The following ADGRE3 variants were observed in gnomAD, a reference collection of about 807,000 sequenced individuals.
ADGRE3 encodes adhesion G protein-coupled receptor E3, also known as EGF-like module receptor 3.
A neutral mutation model predicts 80.1 loss-of-function variants in ADGRE3; 88 were observed. That is an observed-to-expected ratio of 1.10 (90% CI 0.93 to 1.31). The LOEUF is 1.31. ADGRE3 is among the 40% of genes most tolerant of loss of function. ADGRE3 has a pLI of 0.00. For missense variants in ADGRE3, 715 were observed against 776.5 expected (o/e 0.92, Z 0.94); for synonymous variants, 281 against 294.8 (o/e 0.95, Z 0.48).
At chr19:14,633,115 A>G (rs1970931005) in intron 12 of ADGRE3, 103 bp from the exon 13 acceptor site, 2 of 1,257,354 alleles carry the variant, frequency 1.6e-6, no homozygotes, top group African/African-American at 3.0e-5. Flanking sequence ...ATGGGACTGA[A>G]TTGGTAGCAG....
Position 14,666,457 on chromosome 19 carries a change from G to A in ADGRE3, c.76+2345C>T, listed in dbSNP as rs557790820. ...AGAGGTGTGATCTCAGCTCACTGCA[G>A]CCTCCACCTCCTGGGTTCAAGTGAT... is the stretch of plus-strand genomic sequence containing the variant. On this transcript the variant is annotated intron_variant, in intron 2 of 15. Coordinates refer to ENST00000253673, the MANE Select transcript of ADGRE3 (RefSeq NM_032571.5). 1.9e-4 allele frequency among the ~76,000 whole-genome samples: 28 copies of A among 151,342 alleles called. No individual in the cohort carries two copies. In the East Asian group the frequency reaches 5.5e-3, roughly 30 times the overall value.
chr19:14,610,362 G>C, the ADGRE3 span: 1 of 926,554 alleles, frequency 1.1e-6, no homozygotes, highest in Admixed American at 2.6e-5. Flanking sequence ...AAGTCAGGCT[G>C]TTTCTAGAGT....
At chr19:14,615,119 A>T (rs1336785327), downstream of ADGRE3, among the ~76,000 whole-genome samples, 1 of 149,388 alleles carries the variant, frequency 6.7e-6, no homozygotes, top group Non-Finnish European at 1.5e-5. Flanking sequence ...GTCCATTGTC[A>T]TTTAGTGGGT....
At chr19:14,646,714 T>A (rs1476551374) in intron 8 of ADGRE3, among the ~76,000 whole-genome samples, 1 of 131,866 alleles carries the variant, frequency 7.6e-6, no homozygotes. Flanking sequence ...CTTCCTTCCT[T>A]CCTTCCTTCC....
At chr19:14,633,104 C>T (rs1970930665) in intron 12 of ADGRE3, 92 bp from the exon 13 acceptor site, 3 of 1,257,376 alleles carry the variant, frequency 2.4e-6, no homozygotes, top group South Asian at 2.5e-5. Context: ...CCCTCTTGTA[C>T]ATGGGACTGA....
chr19:14,663,308 T>G, intron 3 of ADGRE3, 110 bp downstream of exon 3: 4 of 586,616 alleles, frequency 6.8e-6, no homozygotes, highest in Non-Finnish European at 6.9e-6. Context: ...CAGCTTGCGG[T>G]GAGCTTTGAT....
intron 14 of ADGRE3, among the ~76,000 whole-genome samples, chr19:14,625,883 T>A (rs571992625): frequency 6.6e-6 from 1 of 151,998 alleles, no homozygotes; most frequent in Non-Finnish European, 1.5e-5. Flanking sequence ...CCTAAAGTAG[T>A]CAAATCCATA....
the ADGRE3 span, chr19:14,610,044 C>G: frequency 1.9e-6 from 3 of 1,597,642 alleles, 1 homozygote. Flanking sequence ...GTCCCTCTGC[C>G]CACTTTTTCC....
Position 14,656,332 on chromosome 19 carries a change from T to C in ADGRE3, c.394-1167A>G, listed in dbSNP as rs376098824. On this transcript the variant is annotated intron_variant, in intron 5 of 15. Transcript: ENST00000253673. Reference sequence around the variant, plus strand: ...TCACATCACTGCACTCCAGCCTGGGTGACAGAGTGAGACTCCATCTCAAAA... The same window carrying C: ...TCACATCACTGCACTCCAGCCTGGGCGACAGAGTGAGACTCCATCTCAAAA... Among the ~76,000 whole-genome samples, 858 of 125,500 alleles carry C rather than the reference T, an allele frequency of 6.8e-3. 9 individuals are homozygous for C. The highest frequency in any genetic ancestry group is 0.026 in the African/African-American group (821 of 31,924). The allele number at this position is 125,500 out of a possible 152,430, so 82.3% of individuals were successfully genotyped here. A position where few individuals can be genotyped will look rare whatever the true frequency, so the allele number is the denominator to read the frequency against.
chr19:14,624,324 C>T lies in ADGRE3; in HGVS notation c.1920+1168G>A, dbSNP rs528579777. ...GGTCAGGCTGGTCTCGAACTCCCAA[C>T]CTCAGGTGATCTGCCCACCTCGGCC... On this transcript the variant is annotated intron_variant, in intron 15 of 15. Transcript: ENST00000253673. Among the ~76,000 whole-genome samples the T allele has an allele frequency of 2.7e-4, 41 of 152,232 alleles. No individual in the cohort carries two copies. The East Asian group carries it at 7.7e-3, about 29-fold the overall frequency.
chr19:14,615,532 A>G (rs2075070358), downstream of ADGRE3, among the ~76,000 whole-genome samples: 2 of 151,888 alleles, frequency 1.3e-5, no homozygotes, highest in Non-Finnish European at 2.9e-5. Flanking sequence ...AGGCCGAGGC[A>G]GGTGGATCGC....
At chr19:14,637,210 C>A (rs1414444182) in intron 11 of ADGRE3, among the ~76,000 whole-genome samples, 1 of 152,156 alleles carries the variant, frequency 6.6e-6, no homozygotes, top group African/African-American at 2.4e-5. Flanking sequence ...ACAGAAGGAG[C>A]TGAGTCACCA....
At chr19:14,637,921 A>T (rs1971141709) in intron 11 of ADGRE3, among the ~76,000 whole-genome samples, 184 bp downstream of exon 11, 1 of 151,850 alleles carries the variant, frequency 6.6e-6, no homozygotes, top group South Asian at 2.1e-4. Context: ...GTTGTATAAG[A>T]CTTCCAGAAC....
At chr19:14,672,013 G>T (rs772950318) in intron 1 of ADGRE3, among the ~76,000 whole-genome samples, 2 of 152,154 alleles carry the variant, frequency 1.3e-5, no homozygotes, top group African/African-American at 4.8e-5. Context: ...GCCTCCCAAA[G>T]TGTTGGCATT....
Position 14,636,057 on chromosome 19 carries a change from C to CCT in ADGRE3, c.1484+2047_1484+2048insAG, listed in dbSNP as rs1555755760. On this transcript the variant is annotated intron_variant, in intron 11 of 15. Coordinates refer to ENST00000253673, the MANE Select transcript of ADGRE3 (RefSeq NM_032571.5). ...CCTTCCTTCCTTCCTTCCTTCCTTC[C>CCT]TTCCTTTCCTTTCCTTTCCTTTCCC... Among the ~76,000 whole-genome samples, 12 of 63,602 alleles carry CCT rather than the reference C, an allele frequency of 1.9e-4. 2 individuals are homozygous for CCT. Among genetic ancestry groups the CCT allele is most frequent in the Admixed American group, 6.8e-4 (4 of 5,844 alleles). 41.7% of individuals were successfully genotyped at this position (63,602 alleles called of 152,430 possible).
intron 9 of ADGRE3, among the ~76,000 whole-genome samples, chr19:14,642,176 T>A (rs28379295): frequency 0.65 from 99,388 of 151,954 alleles, 32,553 homozygotes; most frequent in East Asian, 0.72. Context: ...AAAAATGGCT[T>A]AGATGGTAAA....
downstream of ADGRE3, among the ~76,000 whole-genome samples, chr19:14,615,180 G>T (rs1436008896): frequency 1.4e-5 from 2 of 138,204 alleles, no homozygotes; most frequent in Non-Finnish European, 1.6e-5. Flanking sequence ...ACTGTTTGTT[G>T]ATCTCTTTCT....
At chr19:14,600,156 G>A in the ADGRE3 span, 5 of 1,613,992 alleles carry the variant, frequency 3.1e-6, no homozygotes, top group East Asian at 8.9e-5. Context: ...CTCTCACTTG[G>A]TCATCATCAA....
At chr19:14,641,733 T>C in intron 9 of ADGRE3, 117 bp from the exon 10 acceptor site, 3 of 1,240,748 alleles carry the variant, frequency 2.4e-6, no homozygotes, top group Admixed American at 2.0e-5. Context: ...GTGGGACCGT[T>C]AGACTGCTAA....
Sources: allele counts gnomAD v4.1 joint callset (sites outside exome capture counted in the v4.1 genomes callset), GRCh38; gene constraint gnomAD v4.1.1; transcripts MANE v1.5; gene names NCBI Gene and HGNC (gene_info 2026-07-23, HGNC 2026-07-21).